Variants in SPAG17 observed in about 807,000 individuals in gnomAD.
SPAG17 encodes sperm associated antigen 17.
Under a neutral mutation model 273.6 loss-of-function variants are expected in SPAG17, and 169 were observed. The observed-to-expected ratio is 0.62, with a 90% CI of 0.55 to 0.70. SPAG17 has a LOEUF of 0.70. Among genes scored for constraint, SPAG17 ranks in the 30% least tolerant of loss-of-function variants. The probability of loss-of-function intolerance (pLI) is 0.00; values close to 1 mark genes in which losing one functional copy is unlikely to be tolerated. For synonymous variants in SPAG17, 825 were observed against 873.2 expected (o/e 0.94, Z 0.97); for missense variants, 2,557 against 2,627.8 (o/e 0.97, Z 0.59).
At chr1:118,092,077 T>C in intron 8 of SPAG17, 75 bp from the exon 9 acceptor site, 1 of 1,245,408 alleles carries the variant, frequency 8.0e-7, no homozygotes, top group East Asian at 2.3e-5. Context: ...GCTGGTATGA[T>C]GAGATCCAAC....
At chr1:117,989,406 G>C (rs1419592584) in intron 38 of SPAG17, among the ~76,000 whole-genome samples, 1 of 151,914 alleles carries the variant, frequency 6.6e-6, no homozygotes, top group Non-Finnish European at 1.5e-5. Context: ...AGAGAGAGGG[G>C]TGATGCCAGA....
chr1:118,185,065 G>C lies in SPAG17; in HGVS notation c.87+6C>G. On this transcript the variant is annotated splice_donor_region_variant and intron_variant, in intron 1 of 48. Transcript: ENST00000336338. Reference sequence around the variant, plus strand: ...GCAGGGAGGGCTTAAAGGGCTCAAGGCTCACCTGATTGAACTGTGCAGCTA... The same window carrying C: ...GCAGGGAGGGCTTAAAGGGCTCAAGCCTCACCTGATTGAACTGTGCAGCTA... The C allele has an allele frequency of 3.7e-6, 6 of 1,613,652 alleles. No homozygotes were observed. The highest frequency in any genetic ancestry group is 3.3e-5 in the Admixed American group (2 of 60,028).
At chr1:118,077,476 T>G (rs1215781651) in intron 15 of SPAG17, among the ~76,000 whole-genome samples, 1 of 152,098 alleles carries the variant, frequency 6.6e-6, no homozygotes, top group African/African-American at 2.4e-5. Context: ...GCACACCAAT[T>G]TATGTAGTTT....
chr1:118,086,007 T>G lies in SPAG17; in HGVS notation c.1677A>C (p.Glu559Asp). ...QEMQSKLPLWEFLQFPLPPPW... is the reference protein window; with the variant it reads ...QEMQSKLPLWDFLQFPLPPPW... ...GTGGGGGTAGAGGGAATTGAAGAAA[T>G]TCCCACAGTGGCAACTTGGACTGCA... Residue 559 changes from glutamate (E) to aspartate (D), a missense_variant, in exon 13 of 49, where the codon GAA (glutamate) becomes GAC (aspartate). Physicochemically the swap from Glu to Asp is conservative, Grantham distance 45. Coordinates refer to ENST00000336338, the MANE Select transcript of SPAG17 (RefSeq NM_206996.4). 1 of 1,613,916 alleles carries G rather than the reference T, an allele frequency of 6.2e-7. No homozygotes were observed. The highest frequency in any genetic ancestry group is 2.2e-5 in the East Asian group (1 of 44,856).
Position 118,054,032 on chromosome 1 carries a change from C to A in SPAG17, c.2784G>T (p.Lys928Asn), listed in dbSNP as rs1651371552. The A allele has an allele frequency of 1.2e-6, 2 of 1,608,780 alleles. No individual in the cohort carries two copies. The highest frequency in any genetic ancestry group is 1.7e-5 in the Admixed American group (1 of 59,728). Residue 928 changes from lysine (K) to asparagine (N), a missense_variant, in exon 20 of 49, where the codon AAG becomes AAT. Physicochemically the swap from Lys to Asn is moderately conservative, Grantham distance 94. Coordinates refer to ENST00000336338, the MANE Select transcript of SPAG17 (RefSeq NM_206996.4). ...GAGAGCCTTCTAAAATGAAAGGAAT[C>A]TTTTCCTTCTCTTTTTCTTTTTCTT... ...SDQEKEKEKE[K>N]IPFILEGSLK... is the part of the protein sequence containing the mutation.
intron 20 of SPAG17, among the ~76,000 whole-genome samples, chr1:118,052,125 T>G (rs890281787): frequency 1.4e-5 from 2 of 144,216 alleles, no homozygotes; most frequent in African/African-American, 5.0e-5. Context: ...AACATAATAC[T>G]ATTATATATA....
chr1:118,141,617 C>T (rs971972748), intron 3 of SPAG17, among the ~76,000 whole-genome samples: 3 of 152,172 alleles, frequency 2.0e-5, no homozygotes, highest in Non-Finnish European at 4.4e-5. Flanking sequence ...GAAGAACTGA[C>T]GCTGATTCCA....
Position 117,969,164 on chromosome 1 carries a change from A to AT in SPAG17, c.6387+891dup, listed in dbSNP as rs138365001. On this transcript the variant is annotated intron_variant, in intron 46 of 48. Coordinates refer to ENST00000336338, the MANE Select transcript of SPAG17 (RefSeq NM_206996.4). ...AAGTGAGAATATGCTATTAATATGCATTTTTTTTTACTAAACATGCCATTT... is the reference window on the plus strand; with the variant it reads ...AAGTGAGAATATGCTATTAATATGCATTTTTTTTTTACTAAACATGCCATTT... 6.4e-3 allele frequency among the ~76,000 whole-genome samples: 973 copies of AT among 151,740 alleles called. 10 individuals carry two copies. The highest frequency in any genetic ancestry group is 0.02 in the African/African-American group (840 of 41,374).
chr1:118,028,148 G>C, intron 26 of SPAG17, 126 bp downstream of exon 26: 1 of 1,140,390 alleles, frequency 8.8e-7, no homozygotes, highest in Non-Finnish European at 1.3e-6. Flanking sequence ...TGCTACAAAT[G>C]TGAAAACAGT....
intron 24 of SPAG17, among the ~76,000 whole-genome samples, chr1:118,036,324 A>G (rs1189374984): frequency 6.6e-6 from 1 of 152,190 alleles, no homozygotes; most frequent in Non-Finnish European, 1.5e-5. Context: ...CCGTTCTATA[A>G]TAACAGGATT....
intron 31 of SPAG17, among the ~76,000 whole-genome samples, chr1:118,007,295 T>C (rs893917227): frequency 1.3e-5 from 2 of 152,222 alleles, no homozygotes; most frequent in African/African-American, 4.8e-5. Flanking sequence ...ATAAACTGAC[T>C]TCAGCAACTT....
intron 1 of SPAG17, among the ~76,000 whole-genome samples, chr1:118,184,261 G>A (rs1194920684): frequency 1.3e-5 from 2 of 152,122 alleles, no homozygotes; most frequent in African/African-American, 2.4e-5. Flanking sequence ...TGGCGGGCTG[G>A]AATTTCCAGA....
chr1:118,013,981 T>C (rs1357282470), intron 29 of SPAG17, among the ~76,000 whole-genome samples: 1 of 152,186 alleles, frequency 6.6e-6, no homozygotes, highest in Non-Finnish European at 1.5e-5. Flanking sequence ...CAGGTCTGCC[T>C]CACCCCAAGG....
chr1:118,008,861 A>T (rs1291624989), intron 30 of SPAG17, among the ~76,000 whole-genome samples: 2 of 151,872 alleles, frequency 1.3e-5, no homozygotes, highest in Non-Finnish European at 2.9e-5. Context: ...TGTGTGTATG[A>T]CTCCCCTTAA....
At chr1:118,087,213 T>C (rs1048802959) in intron 10 of SPAG17, 2 of 393,690 alleles carry the variant, frequency 5.1e-6, no homozygotes, top group Admixed American at 4.4e-5. Flanking sequence ...AAGGTAGATA[T>C]AAATTTAATA....
At chr1:118,180,960 G>A (rs956862798) in intron 1 of SPAG17, among the ~76,000 whole-genome samples, 1 of 151,946 alleles carries the variant, frequency 6.6e-6, no homozygotes, top group Non-Finnish European at 1.5e-5. Context: ...ATGCTAATGG[G>A]TACATAGTAT....
In SPAG17 at chr1:118,004,739, A is replaced by C. The variant is rs534367283; in HGVS notation, c.4776+675T>G. 5.9e-5 allele frequency among the ~76,000 whole-genome samples: 9 copies of C among 152,288 alleles called. No homozygotes were observed. The South Asian group carries it at 1.9e-3, about 32-fold the overall frequency. On this transcript the variant is annotated intron_variant, in intron 32 of 48. Coordinates refer to ENST00000336338, the MANE Select transcript of SPAG17 (RefSeq NM_206996.4). ...TTGTCATGGTTTCCCTTGGCTAGGA[A>C]AGGGAAATCCCCTGACACCTTGCAC...
chr1:118,053,926 C>T, intron 20 of SPAG17, 76 bp downstream of exon 20: 1 of 1,094,742 alleles, frequency 9.1e-7, no homozygotes, highest in South Asian at 1.5e-5. Flanking sequence ...CTCCCACTGC[C>T]CCAAAGTCAA....
chr1:118,062,776 G>A (rs992968238), intron 18 of SPAG17, among the ~76,000 whole-genome samples: 12 of 152,044 alleles, frequency 7.9e-5, no homozygotes, highest in Middle Eastern at 3.4e-3. Context: ...ACATCACTAC[G>A]GTCAGAAATT....
Sources: gnomAD v4.1 joint callset for allele counts (sites outside exome capture counted in the v4.1 genomes callset) on GRCh38, gnomAD v4.1.1 for gene constraint, MANE v1.5 for transcripts, NCBI Gene and HGNC (gene_info 2026-07-23, HGNC 2026-07-21) for gene names.